MAPK10: variants seen among roughly 807,000 people sequenced by gnomAD.
MAPK10 encodes JNK3 alpha protein kinase.
In MAPK10, 25 loss-of-function variants were observed where a neutral mutation model predicts 59.3. The observed-to-expected ratio is 0.42, with a 90% CI of 0.31 to 0.59. MAPK10 has a LOEUF of 0.59. Among genes scored for constraint, MAPK10 ranks in the 20% least tolerant of loss-of-function variants. MAPK10 has a pLI of 0.15. For synonymous variants in MAPK10, 190 were observed against 200.5 expected (o/e 0.95, Z 0.44); for missense variants, 351 against 568.9 (o/e 0.62, Z 3.90).
At chr4:86,244,886 G>A (rs769851670) in intron 2 of MAPK10, among the ~76,000 whole-genome samples, 4 of 152,128 alleles carry the variant, frequency 2.6e-5, no homozygotes, top group African/African-American at 7.2e-5. Context: ...ACTCTACTGT[G>A]AAATTTGGAA....
At chr4:86,111,725 G>A (rs929078925) in intron 4 of MAPK10, among the ~76,000 whole-genome samples, 2 of 152,160 alleles carry the variant, frequency 1.3e-5, no homozygotes, top group Non-Finnish European at 2.9e-5. Context: ...TTTGGTATCA[G>A]GATAATGCTG....
At chr4:86,120,908 T>C (rs1449679992) in intron 4 of MAPK10, among the ~76,000 whole-genome samples, 8 of 152,196 alleles carry the variant, frequency 5.3e-5, no homozygotes, top group Admixed American at 5.2e-4. Flanking sequence ...TGGTTTTTAG[T>C]GTTTAGTAAA....
chr4:86,354,319 C>T (rs531894215), intron 2 of MAPK10, among the ~76,000 whole-genome samples: 1 of 152,212 alleles, frequency 6.6e-6, no homozygotes, highest in South Asian at 2.1e-4. Context: ...ATGCTGCACC[C>T]ATGCACCTCA....
intron 2 of MAPK10, among the ~76,000 whole-genome samples, chr4:86,220,235 C>A (rs190288920): frequency 5.9e-5 from 9 of 151,988 alleles, no homozygotes; most frequent in Non-Finnish European, 1.2e-4. Flanking sequence ...GTCACAACAA[C>A]AAAAATAAAG....
At chr4:86,382,251 G>A (rs1399164858) in intron 1 of MAPK10, among the ~76,000 whole-genome samples, 1 of 151,860 alleles carries the variant, frequency 6.6e-6, no homozygotes, top group African/African-American at 2.4e-5. Context: ...ATGGAGGGAG[G>A]TGGAAAGTGG....
At chr4:86,064,232 T>C in intron 11 of MAPK10, 34 bp downstream of exon 11, 8 of 1,612,746 alleles carry the variant, frequency 5.0e-6, no homozygotes, top group Non-Finnish European at 6.8e-6. Context: ...ATGATTTGTT[T>C]GTGGAAGCAA....
At chr4:86,080,753 G>T (rs2050473565) in intron 9 of MAPK10, 1 of 151,888 alleles carries the variant, frequency 6.6e-6, no homozygotes. Flanking sequence ...GCATATTTAA[G>T]TCAGGACAAC....
intron 2 of MAPK10, among the ~76,000 whole-genome samples, chr4:86,255,150 G>T (rs1447076966): frequency 1.3e-5 from 2 of 152,054 alleles, no homozygotes; most frequent in Non-Finnish European, 2.9e-5. Flanking sequence ...GGGTATGGTG[G>T]GTAGAGAGTA....
At chr4:86,550,146 T>C (rs1407548986) in intron 1 of MAPK10, among the ~76,000 whole-genome samples, 1 of 151,454 alleles carries the variant, frequency 6.6e-6, no homozygotes, top group African/African-American at 2.4e-5. Context: ...TACCCAAGAG[T>C]GAACTACTTC....
At chr4:86,134,079 T>C (rs1032172472) in intron 4 of MAPK10, among the ~76,000 whole-genome samples, 2 of 152,222 alleles carry the variant, frequency 1.3e-5, no homozygotes, top group Admixed American at 6.5e-5. Flanking sequence ...CCATGATGAA[T>C]AGCTTTCACT....
chr4:86,503,614 T>A (rs773067410), intron 1 of MAPK10, among the ~76,000 whole-genome samples: 6 of 152,168 alleles, frequency 3.9e-5, no homozygotes, highest in Non-Finnish European at 7.4e-5. Context: ...AGAATTAATC[T>A]GTAGCCTGGA....
chr4:86,165,747 T>G (rs77880980), intron 3 of MAPK10, among the ~76,000 whole-genome samples: 12,854 of 151,776 alleles, frequency 0.085, 1,210 homozygotes, highest in African/African-American at 0.23. Flanking sequence ...TACTTAGTGA[T>G]ATTTAGGATT....
In MAPK10 at chr4:86,103,257, G is replaced by A. The variant is rs575167092; in HGVS notation, c.367-13C>T. 62 of 1,283,530 alleles carry A rather than the reference G, an allele frequency of 4.8e-5. No individual in the cohort carries two copies. The highest frequency in any genetic ancestry group is 2.7e-4 in the South Asian group (23 of 83,948). 79.5% of individuals were successfully genotyped at this position (1,283,530 alleles called of 1,614,324 possible). ...ATAAACTAATAATCTGAAAGAGAGT[G>A]GAAGGGACAGAGGAAACGAGAGAAA... On this transcript the variant is annotated splice_polypyrimidine_tract_variant and intron_variant, in intron 5 of 13. Transcript: ENST00000641462.
chr4:86,139,775 C>A (rs914444126), intron 4 of MAPK10, among the ~76,000 whole-genome samples: 1 of 151,722 alleles, frequency 6.6e-6, no homozygotes, highest in Non-Finnish European at 1.5e-5. Context: ...ATTTTCTCAA[C>A]CTACTCATCT....
chr4:86,285,377 C>G (rs1227542454), intron 2 of MAPK10, among the ~76,000 whole-genome samples: 1 of 151,956 alleles, frequency 6.6e-6, no homozygotes, highest in African/African-American at 2.4e-5. Context: ...CCACCATGCC[C>G]AGCTAATTTT....
At chr4:86,513,097 C>T (rs983467774) in intron 1 of MAPK10, among the ~76,000 whole-genome samples, 3 of 151,936 alleles carry the variant, frequency 2.0e-5, no homozygotes, top group African/African-American at 4.8e-5. Flanking sequence ...GAGATGGGTC[C>T]TAATCTGTGA....
At chr4:86,114,700 C>G (rs1324749307) in intron 4 of MAPK10, among the ~76,000 whole-genome samples, 2 of 152,218 alleles carry the variant, frequency 1.3e-5, no homozygotes, top group Non-Finnish European at 2.9e-5. Flanking sequence ...AGTCTGACTA[C>G]CCCTTGGCTG....
At chr4:86,554,827 A>G (rs1001233525) in intron 1 of MAPK10, among the ~76,000 whole-genome samples, 48 of 152,314 alleles carry the variant, frequency 3.2e-4, no homozygotes, top group African/African-American at 1.1e-3. Context: ...GTATGGGCAC[A>G]ATGCCCTTCA....
At chr4:86,268,008 G>A (rs191442333) in intron 2 of MAPK10, 1 of 152,258 alleles carries the variant, frequency 6.6e-6, no homozygotes, top group Admixed American at 6.5e-5. Flanking sequence ...GCCAGTGGCT[G>A]GAACACAGGA....
Sources: gnomAD v4.1 joint callset for allele counts (sites outside exome capture counted in the v4.1 genomes callset) on GRCh38, gnomAD v4.1.1 for gene constraint, MANE v1.5 for transcripts, NCBI Gene and HGNC (gene_info 2026-07-23, HGNC 2026-07-21) for gene names.